Variants in SIRT6 observed in about 807,000 individuals in gnomAD.
The protein encoded by SIRT6 is sirtuin 6, also known as NAD-dependent protein deacylase sirtuin-6.
A neutral mutation model predicts 33.6 loss-of-function variants in SIRT6; 21 were observed. The ratio of observed to expected loss-of-function variants is 0.62; its 90% CI spans 0.44 to 0.90. SIRT6 has a LOEUF of 0.90. Ranked by LOEUF, SIRT6 falls within the 40% of genes least tolerant of loss-of-function variation. The pLI, the probability that SIRT6 is intolerant of heterozygous loss-of-function variation, is 0.00. For synonymous variants in SIRT6, 221 were observed against 223.9 expected (o/e 0.99, Z 0.12); for missense variants, 504 against 510.6 (o/e 0.99, Z 0.12).
chr19:4,175,327 G>A (rs530393637), intron 6 of SIRT6, 176 bp from the exon 7 acceptor site: 269 of 869,042 alleles, frequency 3.1e-4, no homozygotes, highest in Admixed American at 8.9e-4. Flanking sequence ...GTCCGTTGGC[G>A]GGGTCATTGA....
Position 4,174,817 on chromosome 19 carries a change from G to GCCCCCCCCCCCCCCCCCC in SIRT6, c.867_868insGGGGGGGGGGGGGGGGGG (p.Leu289_Pro290insGlyGlyGlyGlyGlyGly). 4.5e-6 allele frequency: 2 copies of GCCCCCCCCCCCCCCCCCC among 447,404 alleles called. No individual in the cohort carries two copies. The highest frequency in any genetic ancestry group is 8.7e-6 in the Non-Finnish European group (2 of 228,934). The allele number at this position is 447,404 out of a possible 1,614,324, so 27.7% of individuals were successfully genotyped here. A position where few individuals can be genotyped will look rare whatever the true frequency, so the allele number is the denominator to read the frequency against. The stretch of plus-strand genomic sequence containing the variant: ...TCCAGCTTGGGGGTGGGCGGGCGGG[G>GCCCCCCCCCCCCCCCCCC]CAGGGGTGGCAGCGCCCTCTCCAGC... On this transcript the variant is annotated inframe_insertion, in exon 8 of 8. Coordinates refer to ENST00000337491, the MANE Select transcript of SIRT6 (RefSeq NM_016539.4). The surrounding 1 kb of genome is among the most constrained non-coding windows in gnomAD (Gnocchi z 4.2).
At chr19:4,181,100 G>A (rs1967626535) in intron 1 of SIRT6, among the ~76,000 whole-genome samples, 191 bp from the exon 2 acceptor site, 1 of 152,082 alleles carries the variant, frequency 6.6e-6, no homozygotes, top group Non-Finnish European at 1.5e-5. Flanking sequence ...CAAAGCCCTA[G>A]CCCTTCCCAC....
chr19:4,174,817 G>GGGGGGGGGGGCGGCCCCCCCCCCCCC lies in SIRT6; in HGVS notation c.867_868insGGGGGGGGGGGGGCCGCCCCCCCCCC (p.Pro290GlyfsTer68). The GGGGGGGGGGGCGGCCCCCCCCCCCCC allele has an allele frequency of 2.2e-6, 1 of 447,554 alleles. No homozygotes were observed. Among genetic ancestry groups the GGGGGGGGGGGCGGCCCCCCCCCCCCC allele is most frequent in the Non-Finnish European group, 4.4e-6 (1 of 229,050 alleles). The allele number at this position is 447,554 out of a possible 1,614,324, so 27.7% of individuals were successfully genotyped here. On this transcript the variant is annotated frameshift_variant, in exon 8 of 8. Transcript: ENST00000337491. LOFTEE classifies it low-confidence loss of function (END_TRUNC). This position sits in a 1 kb window ranked among gnomAD's most constrained non-coding sequence, Gnocchi z 4.2. ...TCCAGCTTGGGGGTGGGCGGGCGGGGCAGGGGTGGCAGCGCCCTCTCCAGC... is the reference window on the plus strand; with the variant it reads ...TCCAGCTTGGGGGTGGGCGGGCGGGGGGGGGGGGGGCGGCCCCCCCCCCCCCCAGGGGTGGCAGCGCCCTCTCCAGC...
chr19:4,181,816 G>A (rs948072444), intron 1 of SIRT6, among the ~76,000 whole-genome samples: 2 of 152,096 alleles, frequency 1.3e-5, no homozygotes, highest in Non-Finnish European at 2.9e-5. Flanking sequence ...TAATAATAAA[G>A]TGACTAACAG....
At position 4,177,089 on chromosome 19, in the gene SIRT6, T is replaced by G. The variant is rs1967350424; in HGVS notation, c.427A>C (p.Lys143Gln). 6.2e-7 allele frequency: 1 copy of G among 1,613,712 alleles called. No individual in the cohort carries two copies. The highest frequency in any genetic ancestry group is 2.2e-5 in the East Asian group (1 of 44,848). Residue 143 changes from lysine (K) to glutamine (Q), a missense_variant, in exon 4 of 8, where the codon AAG (lysine) becomes CAG (glutamine). Lys to Gln is a moderately conservative substitution (Grantham distance 53, BLOSUM62 1). Transcript: ENST00000337491. ...CCAGGTGGCACTCACGTCTTACACT[T>G]GGCACATTCTTCCACAAACATGTTC... ...HGNMFVEECA[K>Q]CKTQYVRDTV... is the part of the protein sequence containing the mutation.
intron 2 of SIRT6, among the ~76,000 whole-genome samples, chr19:4,180,393 T>G (rs887251720): frequency 6.6e-6 from 1 of 151,802 alleles, no homozygotes; most frequent in African/African-American, 2.4e-5. Context: ...CATCTTTTTG[T>G]TTTGTTTTTA....
chr19:4,174,974 T>A lies in SIRT6; in HGVS notation c.739-28A>T, dbSNP rs778792743. On this transcript the variant is annotated intron_variant, in intron 7 of 7. Coordinates refer to ENST00000337491, the MANE Select transcript of SIRT6 (RefSeq NM_016539.4). This position sits in a 1 kb window ranked among gnomAD's most constrained non-coding sequence, Gnocchi z 4.2. ...GCCGAGGGGCGGGACGGGTCAGGCG[T>A]GGGGGACAGAGGGTGCATGGTGGCC... 1 of 1,609,014 alleles carries A rather than the reference T, an allele frequency of 6.2e-7. No individual in the cohort carries two copies. The highest frequency in any genetic ancestry group is 8.5e-7 in the Non-Finnish European group (1 of 1,178,144).
intron 2 of SIRT6, chr19:4,179,597 A>G (rs1202122056): frequency 1.4e-5 from 6 of 436,308 alleles, no homozygotes; most frequent in Non-Finnish European, 2.5e-5. Context: ...GAAGGCAAAA[A>G]TGACTTATTC....
chr19:4,175,883 C>A lies in SIRT6; in HGVS notation c.492G>T (p.Arg164=). 6.4e-7 allele frequency: 1 copy of A among 1,567,890 alleles called. No homozygotes were observed. The highest frequency in any genetic ancestry group is 8.6e-7 in the Non-Finnish European group (1 of 1,156,692). Residue 164 remains arginine (R), a synonymous_variant, in exon 5 of 8, where the codon CGG becomes CGT. Coordinates refer to ENST00000337491, the MANE Select transcript of SIRT6 (RefSeq NM_016539.4). Reference sequence around the variant, plus strand: ...CCCTTGCCTTAGCCACGGTGCAGAGCCGGCCCGTGGCCTTCAGGCCCATGG... The same window carrying A: ...CCCTTGCCTTAGCCACGGTGCAGAGACGGCCCGTGGCCTTCAGGCCCATGG... ...VGTMGLKATG[R]LCTVAKARGL...
chr19:4,181,375 C>T (rs1967652971), intron 1 of SIRT6, among the ~76,000 whole-genome samples: 1 of 152,230 alleles, frequency 6.6e-6, no homozygotes, highest in African/African-American at 2.4e-5. Context: ...CATGCAACCC[C>T]TAGTCAGTCT....
chr19:4,178,320 C>T (rs1022094459), intron 3 of SIRT6, among the ~76,000 whole-genome samples: 5 of 152,046 alleles, frequency 3.3e-5, no homozygotes, highest in African/African-American at 9.7e-5. Context: ...CCACCATGCC[C>T]GGCCCCTCGT....
chr19:4,177,167 G>C (rs372220162), intron 3 of SIRT6, 29 bp from the exon 4 acceptor site: 34 of 1,612,010 alleles, frequency 2.1e-5, no homozygotes, highest in Non-Finnish European at 2.7e-5. Flanking sequence ...GAGGCTTGAT[G>C]GTGGGAAAGG....
At chr19:4,180,964 G>C (rs1293309081) in intron 1 of SIRT6, 55 bp from the exon 2 acceptor site, 7 of 1,519,614 alleles carry the variant, frequency 4.6e-6, no homozygotes, top group Non-Finnish European at 6.2e-6. Context: ...AAGTGGCAAG[G>C]CCACGCACGA....
In SIRT6 at chr19:4,175,913, C is replaced by A; in HGVS notation, c.462G>T (p.Val154=). ...CKTQYVRDTV[V]GTMGLKATGR... ...CCGTGGCCTTCAGGCCCATGGTGCCCACGACTGTGTCTCGGACGTACTGCC... is the reference window on the plus strand; with the variant it reads ...CCGTGGCCTTCAGGCCCATGGTGCCAACGACTGTGTCTCGGACGTACTGCC... Residue 154 remains valine, a synonymous_variant, in exon 5 of 8, where the codon GTG becomes GTT. Coordinates refer to ENST00000337491, the MANE Select transcript of SIRT6 (RefSeq NM_016539.4). The A allele has an allele frequency of 6.4e-7, 1 of 1,570,024 alleles. No homozygotes were observed. The highest frequency in any genetic ancestry group is 2.3e-5 in the East Asian group (1 of 42,912).
chr19:4,181,534 C>T (rs916725926), intron 1 of SIRT6, among the ~76,000 whole-genome samples: 6 of 152,182 alleles, frequency 3.9e-5, no homozygotes, highest in Non-Finnish European at 7.3e-5. Context: ...CGCCTATAAT[C>T]CCAGCACTTT....
Position 4,182,440 on chromosome 19 carries a change from G to T in SIRT6, c.66+34C>A, listed in dbSNP as rs777791657. The T allele has an allele frequency of 4.4e-6, 7 of 1,595,864 alleles. No homozygotes were observed. In the African/African-American group the frequency reaches 8.1e-5, roughly 19 times the overall value. ...CGGCCGCTCCCAGCCCGCGGCCCTG[G>T]GGCGCGATGCTCGGGACCCTCAGAC... On this transcript the variant is annotated intron_variant, in intron 1 of 7. Transcript: ENST00000337491.
rs201849512 is a variant in SIRT6 at position 4,175,654 on chromosome 19, G to C, written c.614+26C>G. 72 of 1,481,168 alleles carry C rather than the reference G, an allele frequency of 4.9e-5. No individual in the cohort carries two copies. In the African/African-American group the frequency reaches 9.4e-4, roughly 19 times the overall value. 91.8% of individuals were successfully genotyped at this position (1,481,168 alleles called of 1,614,324 possible). ...TGTCGTCCCGCCCCGCCCCACCATG[G>C]GCTCCCTGGGGGTGGGGGGTCAGAC... is the stretch of plus-strand genomic sequence containing the variant. On this transcript the variant is annotated intron_variant, in intron 6 of 7. Coordinates refer to ENST00000337491, the MANE Select transcript of SIRT6 (RefSeq NM_016539.4).
intron 3 of SIRT6, among the ~76,000 whole-genome samples, chr19:4,178,343 G>A (rs569949005): frequency 3.3e-5 from 5 of 151,960 alleles, no homozygotes; most frequent in Admixed American, 6.6e-5. Context: ...GCTTTTATAA[G>A]CAGAGAAAAA....
chr19:4,175,988 G>T, intron 4 of SIRT6, 51 bp from the exon 5 acceptor site: 3 of 1,495,362 alleles, frequency 2.0e-6, no homozygotes, highest in East Asian at 2.5e-5. Flanking sequence ...TCCCATGGGT[G>T]ACTCTCGCAC....
Sources: allele counts gnomAD v4.1 joint callset (sites outside exome capture counted in the v4.1 genomes callset), GRCh38; gene constraint gnomAD v4.1.1; non-coding constraint Gnocchi (gnomAD v3.1); transcripts MANE v1.5; gene names NCBI Gene and HGNC (gene_info 2026-07-23, HGNC 2026-07-21).